Variants in ETV1 observed in about 807,000 individuals in gnomAD.
ETV1 encodes ETS variant transcription factor 1.
In ETV1, 27 loss-of-function variants were observed where a neutral mutation model predicts 62.3. The observed-to-expected ratio is 0.43, with a 90% CI of 0.32 to 0.60. The LOEUF (loss-of-function observed/expected upper bound fraction) is 0.60, where lower values mean the gene tolerates loss of function less well. Among genes scored for constraint, ETV1 ranks in the 20% least tolerant of loss-of-function variants. The pLI, the probability that ETV1 is intolerant of heterozygous loss-of-function variation, is 0.06. For missense variants in ETV1, 605 were observed against 605.8 expected (o/e 1.00, Z 0.01); for synonymous variants, 222 against 199.6 (o/e 1.11, Z -0.94).
intron 6 of ETV1, among the ~76,000 whole-genome samples, chr7:13,961,013 T>C (rs1041666567): frequency 2.0e-5 from 3 of 152,020 alleles, no homozygotes; most frequent in African/African-American, 7.2e-5. Flanking sequence ...CTGGGCATGG[T>C]AGCGCACACC....
chr7:13,910,212 GA>G (rs1157783066), intron 10 of ETV1, among the ~76,000 whole-genome samples: 9 of 125,888 alleles, frequency 7.1e-5, no homozygotes, highest in African/African-American at 2.7e-4. Flanking sequence ...AAGATAAGAG[GA>G]AAAAAAAAGT....
At chr7:13,953,104 A>G (rs911422600) in intron 6 of ETV1, among the ~76,000 whole-genome samples, 1 of 152,230 alleles carries the variant, frequency 6.6e-6, no homozygotes, top group African/African-American at 2.4e-5. Context: ...GTAGATGGAA[A>G]GCAGCACGAC....
intron 6 of ETV1, among the ~76,000 whole-genome samples, chr7:13,944,207 T>G (rs1787893867): frequency 6.6e-6 from 1 of 152,218 alleles, no homozygotes; most frequent in African/African-American, 2.4e-5. Context: ...AGAAAGGGCA[T>G]GTCTTAGTCT....
At chr7:13,965,330 G>A (rs185641861) in intron 6 of ETV1, among the ~76,000 whole-genome samples, 294 of 152,314 alleles carry the variant, frequency 1.9e-3, no homozygotes, top group Non-Finnish European at 3.8e-3. Flanking sequence ...TGAGTTCACA[G>A]AACATCTTTC....
intron 6 of ETV1, among the ~76,000 whole-genome samples, chr7:13,953,928 T>C (rs926733076): frequency 2.6e-5 from 4 of 152,188 alleles, no homozygotes; most frequent in African/African-American, 9.6e-5. Context: ...AAGTAAATGA[T>C]AAATATGATC....
chr7:13,970,550 C>CA (rs937933983), intron 6 of ETV1, among the ~76,000 whole-genome samples: 4 of 151,800 alleles, frequency 2.6e-5, no homozygotes, highest in African/African-American at 9.7e-5. Flanking sequence ...TTCTTAAATC[C>CA]AAAAAAATGC....
chr7:13,970,122 G>T (rs375494907), intron 6 of ETV1, among the ~76,000 whole-genome samples: 2 of 151,824 alleles, frequency 1.3e-5, no homozygotes, highest in Non-Finnish European at 2.9e-5. Context: ...TTAGCCTGGC[G>T]TGGTGGCGGG....
chr7:13,977,567 T>C, intron 5 of ETV1, 87 bp from the exon 6 acceptor site: 1 of 891,928 alleles, frequency 1.1e-6, no homozygotes, highest in Non-Finnish European at 1.8e-6. Flanking sequence ...TCAAGTAAGA[T>C]CTTCTTGGGC....
chr7:13,900,880 C>A, intron 12 of ETV1, 41 bp from the exon 13 acceptor site: 1 of 1,287,826 alleles, frequency 7.8e-7, no homozygotes, highest in South Asian at 1.3e-5. Flanking sequence ...TAAGTATTAA[C>A]TTATCAGCAT....
rs1363391527 is a variant in ETV1, at chr7:13,894,906, G to C, written c.*960C>G. The C allele has an allele frequency of 4.3e-6, 1 of 232,680 alleles. No homozygotes were observed. The highest frequency in any genetic ancestry group is 6.1e-5 in the East Asian group (1 of 16,384). 14.4% of individuals were successfully genotyped at this position (232,680 alleles called of 1,614,324 possible). ...ATATTTTTCTTAAAGAGTGTTTGCT[G>C]TAACTAGAACAGCATAATACATGAT... On this transcript the variant is annotated 3_prime_UTR_variant, in exon 14 of 14. Coordinates refer to ENST00000430479, the MANE Select transcript of ETV1 (RefSeq NM_004956.5).
At chr7:13,933,744 C>G (rs1433233707) in intron 8 of ETV1, among the ~76,000 whole-genome samples, 2 of 152,214 alleles carry the variant, frequency 1.3e-5, no homozygotes, top group African/African-American at 2.4e-5. Flanking sequence ...TTTCCTGGGA[C>G]TGGCCAGCTG....
chr7:13,986,875 CAACTCTTTAAGAAATTATTTT>C, intron 4 of ETV1, 190 bp from the exon 5 acceptor site: 1 of 531,022 alleles, frequency 1.9e-6, no homozygotes, highest in East Asian at 3.3e-5. Flanking sequence ...GCCTATTAAG[CAACTCTTTAAGAAATTATTTT>C]AGTCAACTAA....
At chr7:13,916,288 T>G (rs1415640695) in intron 9 of ETV1, among the ~76,000 whole-genome samples, 1 of 152,206 alleles carries the variant, frequency 6.6e-6, no homozygotes, top group Non-Finnish European at 1.5e-5. Flanking sequence ...AATATGTTAA[T>G]TTTTAGATGG....
At chr7:13,901,446 A>C (rs1488650260) in intron 12 of ETV1, among the ~76,000 whole-genome samples, 3 of 152,230 alleles carry the variant, frequency 2.0e-5, no homozygotes, top group Admixed American at 2.0e-4. Context: ...ACAGTTCACC[A>C]AAATGAGGCA....
At chr7:13,920,609 C>T (rs879784680) in intron 9 of ETV1, among the ~76,000 whole-genome samples, 73 of 152,340 alleles carry the variant, frequency 4.8e-4, no homozygotes, top group African/African-American at 1.7e-3. Flanking sequence ...AGACAGCCTT[C>T]AGCCTTCCAT....
At chr7:13,966,725 A>T (rs1780329854) in intron 6 of ETV1, among the ~76,000 whole-genome samples, 1 of 152,228 alleles carries the variant, frequency 6.6e-6, no homozygotes, top group African/African-American at 2.4e-5. Context: ...TATGTAATAG[A>T]TCAGAGTCTG....
chr7:13,942,719 C>T (rs1787703543), intron 6 of ETV1, among the ~76,000 whole-genome samples: 1 of 152,050 alleles, frequency 6.6e-6, no homozygotes, highest in Admixed American at 6.6e-5. Context: ...GGAGCAGCGA[C>T]ATATAAGGAA....
chr7:13,969,246 T>C (rs1316038419), intron 6 of ETV1, among the ~76,000 whole-genome samples: 1 of 152,166 alleles, frequency 6.6e-6, no homozygotes, highest in Non-Finnish European at 1.5e-5. Context: ...ACAGCTAAAA[T>C]AGAGAATAAT....
chr7:13,951,411 G>A (rs1298199867), intron 6 of ETV1, among the ~76,000 whole-genome samples: 2 of 151,968 alleles, frequency 1.3e-5, no homozygotes, highest in Non-Finnish European at 2.9e-5. Flanking sequence ...TCTGTACTTC[G>A]GTTTTCTCAT....
Sources: gnomAD v4.1 joint callset for allele counts (sites outside exome capture counted in the v4.1 genomes callset) on GRCh38, gnomAD v4.1.1 for gene constraint, MANE v1.5 for transcripts, NCBI Gene and HGNC (gene_info 2026-07-23, HGNC 2026-07-21) for gene names.